The following HAO1 variants were observed in gnomAD, a reference collection of about 807,000 sequenced individuals.
The protein encoded by HAO1 is 2-Hydroxyacid oxidase 1.
HAO1 carries 34 observed loss-of-function variants against 39.7 expected under a neutral mutation model. That is an observed-to-expected ratio of 0.86 (90% CI 0.65 to 1.14). HAO1 has a LOEUF of 1.14. Among genes scored for constraint, HAO1 ranks in the 50% most tolerant of loss-of-function variants. HAO1 has a pLI of 0.00. For missense variants in HAO1, 479 were observed against 464.5 expected (o/e 1.03, Z -0.29); for synonymous variants, 172 against 173.2 (o/e 0.99, Z 0.05).
At chr20:7,884,740 G>A (rs2050143250) in intron 7 of HAO1, among the ~76,000 whole-genome samples, 1 of 152,134 alleles carries the variant, frequency 6.6e-6, no homozygotes, top group Non-Finnish European at 1.5e-5. Flanking sequence ...AACCATATGA[G>A]GCCTTGTAAA....
In HAO1 at chr20:7,885,806, T is replaced by A. The variant is rs775985199; in HGVS notation, c.872A>T (p.Asp291Val). ...AVEGKVEVFLDGGVRKGTDVL... is the reference protein window; with the variant it reads ...AVEGKVEVFLVGGVRKGTDVL... ...ATCAGTGCCTTTCCGCACACCCCCG[T>A]CCAGGAAGACTTCCACCTTCCCTTC... The change falls in exon 6 of 8, where the codon GAC (aspartate) becomes GTC (valine). Residue 291 changes from aspartate (D) to valine (V), a missense_variant. Asp to Val is a radical substitution (Grantham distance 152). Transcript: ENST00000378789. 5.6e-6 allele frequency: 9 copies of A among 1,613,208 alleles called. No individual in the cohort carries two copies. The highest frequency in any genetic ancestry group is 7.6e-6 in the Non-Finnish European group (9 of 1,179,304).
chr20:7,936,018 A>C (rs78648743), intron 1 of HAO1, among the ~76,000 whole-genome samples: 3,143 of 152,302 alleles, frequency 0.021, 33 homozygotes, highest in South Asian at 0.035. Context: ...AAAAAAAAGA[A>C]GAAAAAGAAA....
intron 2 of HAO1, among the ~76,000 whole-genome samples, chr20:7,929,032 A>G (rs2050374485): frequency 6.6e-6 from 1 of 152,004 alleles, no homozygotes; most frequent in East Asian, 2.0e-4. Context: ...GACTCACTGC[A>G]GTCTCCACAC....
At chr20:7,907,039 C>T (rs943995552) in intron 3 of HAO1, among the ~76,000 whole-genome samples, 1 of 152,174 alleles carries the variant, frequency 6.6e-6, no homozygotes, top group Non-Finnish European at 1.5e-5. Flanking sequence ...ACATGACTGT[C>T]TGTTGCCCCT....
chr20:7,932,677 G>A (rs2050391089), intron 2 of HAO1, among the ~76,000 whole-genome samples: 1 of 151,936 alleles, frequency 6.6e-6, no homozygotes, highest in African/African-American at 2.4e-5. Flanking sequence ...TCTTCCTATA[G>A]TATAATTTTT....
chr20:7,935,385 G>T (rs993473027), intron 1 of HAO1, among the ~76,000 whole-genome samples: 1 of 152,030 alleles, frequency 6.6e-6, no homozygotes, highest in African/African-American at 2.4e-5. Flanking sequence ...AAATCAAGAT[G>T]GTATACAAAT....
intron 3 of HAO1, among the ~76,000 whole-genome samples, chr20:7,907,683 C>T (rs2050254880): frequency 6.6e-6 from 1 of 152,158 alleles, no homozygotes; most frequent in South Asian, 2.1e-4. Context: ...TCTAACTCAC[C>T]TCTAAGATTC....
At chr20:7,917,198 G>T (rs970988293) in intron 2 of HAO1, among the ~76,000 whole-genome samples, 2 of 151,930 alleles carry the variant, frequency 1.3e-5, no homozygotes, top group South Asian at 4.2e-4. Context: ...ATATTAGCTG[G>T]GCGTAGTGGC....
At chr20:7,934,720 G>A (rs2050402305) in intron 1 of HAO1, 85 bp from the exon 2 acceptor site, 1 of 785,904 alleles carries the variant, frequency 1.3e-6, no homozygotes, top group Non-Finnish European at 1.8e-6. Context: ...TTAGTTAAAA[G>A]AAAAAATATA....
intron 5 of HAO1, among the ~76,000 whole-genome samples, chr20:7,890,352 T>C (rs2122751018): frequency 6.6e-6 from 1 of 152,088 alleles, no homozygotes; most frequent in Non-Finnish European, 1.5e-5. Flanking sequence ...TACCTAGGAT[T>C]ACAGATGCCA....
At chr20:7,884,149 G>C (rs1356795484) in intron 7 of HAO1, among the ~76,000 whole-genome samples, 1 of 152,270 alleles carries the variant, frequency 6.6e-6, no homozygotes, top group East Asian at 1.9e-4. Context: ...ATTCTTTCTA[G>C]CTACAGGTTC....
At position 7,909,383 on chromosome 20, in the gene HAO1, A is replaced by ATATATATATATATATATATG. The variant is rs2050266255; in HGVS notation, c.546-3055_546-3054insCATATATATATATATATATA. ...GACATATATATATATATATATGTAT[A>ATATATATATATATATATATG]TATATATATATATATATATATGCTT... On this transcript the variant is annotated intron_variant, in intron 3 of 7. Coordinates refer to ENST00000378789, the MANE Select transcript of HAO1 (RefSeq NM_017545.3). Among the ~76,000 whole-genome samples the ATATATATATATATATATATG allele has an allele frequency of 8.7e-4, 108 of 124,756 alleles. 1 individual carries two copies. Among genetic ancestry groups the ATATATATATATATATATATG allele is most frequent in the African/African-American group, 2.7e-3 (78 of 29,120 alleles). The allele number at this position is 124,756 out of a possible 152,430, so 81.8% of individuals were successfully genotyped here.
chr20:7,895,414 C>A (rs1169809673), intron 4 of HAO1, among the ~76,000 whole-genome samples, 190 bp from the exon 5 acceptor site: 4 of 150,840 alleles, frequency 2.7e-5, no homozygotes, highest in African/African-American at 9.9e-5. Flanking sequence ...CCAAAAACAA[C>A]AAAAAAATGT....
At chr20:7,900,095 C>T (rs953386955) in intron 4 of HAO1, among the ~76,000 whole-genome samples, 5 of 152,116 alleles carry the variant, frequency 3.3e-5, no homozygotes, top group Admixed American at 2.6e-4. Flanking sequence ...AACTAAATCC[C>T]GGACACATGA....
chr20:7,929,779 G>A (rs564045896), intron 2 of HAO1, among the ~76,000 whole-genome samples: 54 of 152,068 alleles, frequency 3.6e-4, no homozygotes, highest in Non-Finnish European at 5.3e-4. Context: ...CAGGGGAATC[G>A]CTTGAACCTG....
chr20:7,903,364 T>C (rs1454990848), intron 4 of HAO1, among the ~76,000 whole-genome samples: 1 of 152,078 alleles, frequency 6.6e-6, no homozygotes, highest in African/African-American at 2.4e-5. Context: ...TAAATAAATA[T>C]TTGGGCTATC....
chr20:7,895,429 A>G (rs752666657), intron 4 of HAO1, among the ~76,000 whole-genome samples: 1 of 152,164 alleles, frequency 6.6e-6, no homozygotes. Context: ...AAATGTTACT[A>G]CTTACGGCAA....
Position 7,885,558 on chromosome 20 carries a change from T to C in HAO1, c.1005A>G (p.Ile335Met), listed in dbSNP as rs1600103687. 1.2e-6 allele frequency: 2 copies of C among 1,612,072 alleles called. No individual in the cohort carries two copies. Among genetic ancestry groups the C allele is most frequent in the Non-Finnish European group, 8.5e-7 (1 of 1,178,198 alleles). Residue 335 changes from isoleucine to methionine, a missense_variant, in exon 7 of 8, where the codon ATA (isoleucine) becomes ATG (methionine). Physicochemically the swap from Ile to Met is conservative, Grantham distance 10 (BLOSUM62 1). Transcript: ENST00000378789. ...GEKGVQDVLE[I>M]LKEEFRLAMA... Reference sequence around the variant, plus strand: ...TGGCCAACCGGAATTCTTCCTTTAGTATCTCGAGGACATCTTGAACACCTT... The same window carrying C: ...TGGCCAACCGGAATTCTTCCTTTAGCATCTCGAGGACATCTTGAACACCTT...
rs1239633861 is a variant in HAO1, at chr20:7,883,129, G to A, written c.*464C>T. 6.2e-6 allele frequency: 1 copy of A among 162,472 alleles called. No individual in the cohort carries two copies. Among genetic ancestry groups the A allele is most frequent in the African/African-American group, 2.4e-5 (1 of 41,666 alleles). The allele number at this position is 162,472 out of a possible 1,614,324, so 10.1% of individuals were successfully genotyped here. On this transcript the variant is annotated 3_prime_UTR_variant, in exon 8 of 8. Coordinates refer to ENST00000378789, the MANE Select transcript of HAO1 (RefSeq NM_017545.3). ...CCGCCACCCATTCCAATTCTCTCCA[G>A]TGCTACCTTCTCAAAGTTGTGAATC... is the stretch of plus-strand genomic sequence containing the variant.
Sources: allele counts gnomAD v4.1 joint callset (sites outside exome capture counted in the v4.1 genomes callset), GRCh38; gene constraint gnomAD v4.1.1; transcripts MANE v1.5; gene names NCBI Gene and HGNC (gene_info 2026-07-23, HGNC 2026-07-21).